The following TRDN variants were observed in gnomAD, a reference collection of about 807,000 sequenced individuals.
The protein encoded by TRDN is triadin in skeletal muscle.
A neutral mutation model predicts 149.7 loss-of-function variants in TRDN; 161 were observed. The observed-to-expected ratio is 1.08, with a 90% CI of 0.95 to 1.23. TRDN has a LOEUF of 1.23. Among genes scored for constraint, TRDN ranks in the 50% most tolerant of loss-of-function variants. The pLI is 0.00. For missense variants in TRDN, 896 were observed against 823.5 expected, an observed-to-expected ratio of 1.09 and a Z score of -1.08; for synonymous variants, 294 against 250.5, an observed-to-expected ratio of 1.17 and a Z score of -1.64.
chr6:123,270,547 G>T (rs1042633663), intron 30 of TRDN, among the ~76,000 whole-genome samples: 2 of 151,924 alleles, frequency 1.3e-5, no homozygotes, highest in Admixed American at 1.3e-4. Context: ...GATGTGAATT[G>T]ATTTCAAGAC....
intron 4 of TRDN, among the ~76,000 whole-genome samples, chr6:123,541,893 G>A (rs759358928): frequency 4.6e-5 from 7 of 152,022 alleles, no homozygotes; most frequent in Non-Finnish European, 8.8e-5. Flanking sequence ...ACACACATAC[G>A]TCTATCCATC....
chr6:123,346,234 T>C (rs972365086), intron 21 of TRDN, among the ~76,000 whole-genome samples: 1 of 152,100 alleles, frequency 6.6e-6, no homozygotes, highest in South Asian at 2.1e-4. Flanking sequence ...TTTTTAACCA[T>C]CAATGGGTGT....
At chr6:123,515,226 A>G (rs1779361612) in intron 6 of TRDN, among the ~76,000 whole-genome samples, 1 of 152,098 alleles carries the variant, frequency 6.6e-6, no homozygotes, top group Non-Finnish European at 1.5e-5. Flanking sequence ...GAGAGAAAAA[A>G]AGAGAACACA....
chr6:123,221,749 G>A (rs575514131), intron 39 of TRDN, among the ~76,000 whole-genome samples: 9 of 151,616 alleles, frequency 5.9e-5, no homozygotes, highest in Middle Eastern at 3.4e-3. Flanking sequence ...AAAATGTCAC[G>A]CTACAAACAA....
intron 21 of TRDN, chr6:123,349,985 T>C: frequency 1.5e-5 from 15 of 985,330 alleles, no homozygotes; most frequent in Non-Finnish European, 1.8e-5. Context: ...ACTCTTCAAG[T>C]GGACACAAAT....
rs543945865 is a variant in TRDN, at chr6:123,227,797, G to T, written c.1976-3666C>A. On this transcript the variant is annotated intron_variant, in intron 38 of 40. Transcript: ENST00000334268. The stretch of plus-strand genomic sequence containing the variant: ...AGATCTCACTCTGTCACCCAGGGTG[G>T]AGTGCAATGACGCCATCCTGGCTCA... Among the ~76,000 whole-genome samples, 3 of 151,966 alleles carry T rather than the reference G, an allele frequency of 2.0e-5. No individual in the cohort carries two copies. The East Asian group carries it at 5.9e-4, about 30-fold the overall frequency.
intron 5 of TRDN, among the ~76,000 whole-genome samples, chr6:123,527,573 C>T (rs1186417421): frequency 6.6e-6 from 1 of 151,882 alleles, no homozygotes; most frequent in East Asian, 1.9e-4. Flanking sequence ...GAGCACTCTG[C>T]TTGGTACTCA....
At chr6:123,346,639 C>A (rs963860140) in intron 21 of TRDN, among the ~76,000 whole-genome samples, 2 of 151,886 alleles carry the variant, frequency 1.3e-5, no homozygotes, top group Admixed American at 6.6e-5. Context: ...AAGTCCAGGA[C>A]CCCTAGAATC....
At chr6:123,341,411 T>G (rs960004533) in intron 21 of TRDN, among the ~76,000 whole-genome samples, 1 of 151,952 alleles carries the variant, frequency 6.6e-6, no homozygotes, top group Admixed American at 6.6e-5. Context: ...ATATATGTTT[T>G]AAAATCTTTA....
intron 38 of TRDN, among the ~76,000 whole-genome samples, chr6:123,241,619 A>G (rs1229805597): frequency 2.0e-5 from 3 of 151,854 alleles, no homozygotes; most frequent in Admixed American, 6.6e-5. Context: ...CAAAAGTAAG[A>G]TAGAAAGAAA....
chr6:123,620,146 T>A (rs1785307809), intron 1 of TRDN, among the ~76,000 whole-genome samples: 1 of 152,206 alleles, frequency 6.6e-6, no homozygotes, highest in Admixed American at 6.5e-5. Context: ...TCTTTATCCC[T>A]AATTAATTGG....
chr6:123,342,715 G>A (rs1258227445), intron 21 of TRDN, among the ~76,000 whole-genome samples: 1 of 151,882 alleles, frequency 6.6e-6, no homozygotes, highest in Admixed American at 6.6e-5. Flanking sequence ...GACAAAGTTA[G>A]GGTTAAATTT....
At chr6:123,373,990 T>C (rs977455334) in intron 19 of TRDN, among the ~76,000 whole-genome samples, 1 of 152,304 alleles carries the variant, frequency 6.6e-6, no homozygotes, top group Admixed American at 6.5e-5. Flanking sequence ...CCAAAATACA[T>C]TTTTAGTTGG....
At position 123,450,083 on chromosome 6, in the gene TRDN, A is replaced by G. The variant is rs149891357; in HGVS notation, c.932-11080T>C. 2.3e-3 allele frequency among the ~76,000 whole-genome samples: 347 copies of G among 152,340 alleles called. 1 individual carries two copies. Among genetic ancestry groups the G allele is most frequent in the Non-Finnish European group, 4.1e-3 (279 of 68,030 alleles). On this transcript the variant is annotated intron_variant, in intron 10 of 40. Transcript: ENST00000334268. ...GCTAAAAGGAGCTCTAAATCTTGAAACAAATCCTGGAAACACATCAAAACA... is the reference window on the plus strand; with the variant it reads ...GCTAAAAGGAGCTCTAAATCTTGAAGCAAATCCTGGAAACACATCAAAACA...
intron 35 of TRDN, among the ~76,000 whole-genome samples, chr6:123,259,232 G>A (rs1271376608): frequency 6.6e-6 from 1 of 151,844 alleles, no homozygotes; most frequent in East Asian, 1.9e-4. Context: ...TGTGATGTTA[G>A]GGTGTTGATT....
intron 4 of TRDN, among the ~76,000 whole-genome samples, chr6:123,535,777 A>T (rs964354354): frequency 2.0e-5 from 3 of 152,170 alleles, no homozygotes; most frequent in African/African-American, 7.2e-5. Flanking sequence ...CAGGATTCCG[A>T]TGATCTGTAA....
chr6:123,396,990 A>C (rs966546818), intron 12 of TRDN, among the ~76,000 whole-genome samples: 2 of 152,126 alleles, frequency 1.3e-5, no homozygotes, highest in African/African-American at 2.4e-5. Context: ...AAAGAATAAT[A>C]GTATTGCTGA....
intron 13 of TRDN, among the ~76,000 whole-genome samples, chr6:123,390,953 A>G (rs1782089051): frequency 6.6e-6 from 1 of 152,100 alleles, no homozygotes; most frequent in Non-Finnish European, 1.5e-5. Context: ...GAAATACACT[A>G]ACACAGAGTG....
At chr6:123,516,328 T>C in intron 5 of TRDN, 122 bp from the exon 6 acceptor site, 3 of 1,194,208 alleles carry the variant, frequency 2.5e-6, no homozygotes, top group Non-Finnish European at 2.2e-6. Context: ...TTTAACTGGA[T>C]TCAGATTTTA....
Sources: gnomAD v4.1 joint callset for allele counts (sites outside exome capture counted in the v4.1 genomes callset) on GRCh38, gnomAD v4.1.1 for gene constraint, MANE v1.5 for transcripts, NCBI Gene and HGNC (gene_info 2026-07-23, HGNC 2026-07-21) for gene names.